Variants in TMEM132D observed in about 807,000 individuals in gnomAD.
TMEM132D encodes mature OL transmembrane protein.
Under a neutral mutation model 62.3 loss-of-function variants are expected in TMEM132D, and 21 were observed. The observed-to-expected ratio is 0.34, with a 90% CI of 0.24 to 0.49. The LOEUF (loss-of-function observed/expected upper bound fraction) is 0.49, where lower values mean the gene tolerates loss of function less well. Among genes scored for constraint, TMEM132D ranks in the 20% least tolerant of loss-of-function variants. TMEM132D has a pLI of 0.99. For missense variants in TMEM132D, 1,346 were observed against 1,402.8 expected, an observed-to-expected ratio of 0.96 and a Z score of 0.65; for synonymous variants, 621 against 575.6, an observed-to-expected ratio of 1.08 and a Z score of -1.13.
chr12:129,283,875 G>C (rs190970991), intron 4 of TMEM132D, among the ~76,000 whole-genome samples: 3 of 152,224 alleles, frequency 2.0e-5, no homozygotes, highest in African/African-American at 4.8e-5. Context: ...TGCACACTGT[G>C]GGGGAGGAGC....
At chr12:129,130,783 G>C (rs920341679) in intron 5 of TMEM132D, among the ~76,000 whole-genome samples, 1 of 152,190 alleles carries the variant, frequency 6.6e-6, no homozygotes, top group South Asian at 2.1e-4. Flanking sequence ...GGAGTACAAC[G>C]GTGCATATTA....
chr12:129,898,515 G>A (rs951609399), intron 1 of TMEM132D, among the ~76,000 whole-genome samples: 8 of 152,214 alleles, frequency 5.3e-5, no homozygotes, highest in Admixed American at 1.3e-4. Flanking sequence ...AAAAGGCGAC[G>A]TGACTAAGTC....
At chr12:129,514,879 T>C (rs983849425) in intron 3 of TMEM132D, among the ~76,000 whole-genome samples, 3 of 151,746 alleles carry the variant, frequency 2.0e-5, no homozygotes, top group Admixed American at 1.3e-4. Flanking sequence ...GAAAATAGAG[T>C]CCAGCGTAAG....
At chr12:129,181,191 G>A (rs1305473003) in intron 5 of TMEM132D, among the ~76,000 whole-genome samples, 3 of 152,090 alleles carry the variant, frequency 2.0e-5, no homozygotes, top group Admixed American at 1.3e-4. Flanking sequence ...TGGCTAAATG[G>A]CAGCTACTGT....
intron 1 of TMEM132D, among the ~76,000 whole-genome samples, chr12:129,766,651 G>A (rs1487999894): frequency 2.0e-5 from 3 of 152,096 alleles, no homozygotes; most frequent in African/African-American, 7.2e-5. Context: ...CCAGTGGCTG[G>A]GAATTGGGTC....
At chr12:129,214,909 T>C (rs1879160815) in intron 4 of TMEM132D, among the ~76,000 whole-genome samples, 1 of 152,208 alleles carries the variant, frequency 6.6e-6, no homozygotes, top group African/African-American at 2.4e-5. Context: ...TGGTGATTCC[T>C]TAAAGAGATA....
rs577741482 is a variant in TMEM132D, at chr12:129,371,238, G to C, written c.1116-33421C>G. The stretch of plus-strand genomic sequence containing the variant: ...TTTTTAAATTATTGTTGTTACTGTG[G>C]TGATGATGGTGGCAGTGATGATGAT... On this transcript the variant is annotated intron_variant, in intron 3 of 8. Coordinates refer to ENST00000422113, the MANE Select transcript of TMEM132D (RefSeq NM_133448.3). This position sits in a 1 kb window ranked among gnomAD's most constrained non-coding sequence, Gnocchi z 4.3. Among the ~76,000 whole-genome samples, 1 of 152,106 alleles carries C rather than the reference G, an allele frequency of 6.6e-6. No individual in the cohort carries two copies. The highest frequency in any genetic ancestry group is 2.1e-4 in the South Asian group (1 of 4,832).
chr12:129,766,210 G>A (rs1388877717), intron 1 of TMEM132D, among the ~76,000 whole-genome samples: 2 of 150,984 alleles, frequency 1.3e-5, no homozygotes, highest in African/African-American at 2.4e-5. Context: ...CATGAAGCAT[G>A]AGCCAAAATT....
At chr12:129,370,277 C>T (rs763710736) in intron 3 of TMEM132D, among the ~76,000 whole-genome samples, 2 of 152,238 alleles carry the variant, frequency 1.3e-5, no homozygotes, top group Non-Finnish European at 2.9e-5. Context: ...ATTTCATCCT[C>T]TGTTGCCCTG....
chr12:129,649,280 C>G (rs998058555), intron 2 of TMEM132D, among the ~76,000 whole-genome samples: 1 of 152,122 alleles, frequency 6.6e-6, no homozygotes, highest in Non-Finnish European at 1.5e-5. Flanking sequence ...ATTCCATATT[C>G]CTTCACTTTC....
Position 129,259,044 on chromosome 12 carries a change from T to A in TMEM132D, c.1300-49381A>T, listed in dbSNP as rs148187876. 1.6e-3 allele frequency among the ~76,000 whole-genome samples: 250 copies of A among 152,292 alleles called. 3 individuals carry two copies. The highest frequency in any genetic ancestry group is 5.7e-3 in the African/African-American group (238 of 41,570). On this transcript the variant is annotated intron_variant, in intron 4 of 8. Coordinates refer to ENST00000422113, the MANE Select transcript of TMEM132D (RefSeq NM_133448.3). ...TCTAGCCGTGGCTGAGCATTAGGGCTTCTGGAGCATTAACCATACAGCAGG... is the reference window on the plus strand; with the variant it reads ...TCTAGCCGTGGCTGAGCATTAGGGCATCTGGAGCATTAACCATACAGCAGG...
chr12:129,087,887 ACCGGGGTGTCCTCCCTG>A (rs1874678062), intron 5 of TMEM132D, among the ~76,000 whole-genome samples: 1 of 128,362 alleles, frequency 7.8e-6, no homozygotes, highest in Non-Finnish European at 1.6e-5. Flanking sequence ...GTCCTCCCTG[ACCGGGGTGTCCTCCCTG>A]ACCGGGGTGT....
In TMEM132D at chr12:129,643,052, G is replaced by A. The variant is rs269164; in HGVS notation, c.968+56758C>T. Among the ~76,000 whole-genome samples, 570 of 149,544 alleles carry A rather than the reference G, an allele frequency of 3.8e-3. 4 individuals carry two copies. The highest frequency in any genetic ancestry group is 0.013 in the African/African-American group (533 of 40,600). The stretch of plus-strand genomic sequence containing the variant: ...GGATTCTCCCGCCTCAGCCTCCCTA[G>A]TAGTTGGGATTACAGGCACACTCCA... On this transcript the variant is annotated intron_variant, in intron 2 of 8. Transcript: ENST00000422113.
At chr12:129,888,608 GCAGGAGAATCACTTGAACC>G (rs1874821891) in intron 1 of TMEM132D, among the ~76,000 whole-genome samples, 1 of 152,166 alleles carries the variant, frequency 6.6e-6, no homozygotes, top group Non-Finnish European at 1.5e-5. Context: ...GGAGGCTGAG[GCAGGAGAATCACTTGAACC>G]CAGGAGACAG....
intron 1 of TMEM132D, among the ~76,000 whole-genome samples, chr12:129,749,829 C>T (rs1246277884): frequency 6.6e-6 from 1 of 152,128 alleles, no homozygotes; most frequent in Non-Finnish European, 1.5e-5. Flanking sequence ...AGACCTGGCT[C>T]ACGGTACTTG....
chr12:129,873,147 C>T (rs1194204705), intron 1 of TMEM132D, among the ~76,000 whole-genome samples: 1 of 152,082 alleles, frequency 6.6e-6, no homozygotes, highest in Admixed American at 6.6e-5. Context: ...AGAGGGGACA[C>T]CGTTTTGATT....
At chr12:129,398,176 C>T (rs73151048) in intron 3 of TMEM132D, among the ~76,000 whole-genome samples, 152 of 152,308 alleles carry the variant, frequency 1.0e-3, no homozygotes, top group Non-Finnish European at 1.6e-3. Flanking sequence ...GAAAGCACAA[C>T]ATATGGTGGC....
chr12:129,127,186 CTTGA>C (rs1282205159), intron 5 of TMEM132D, among the ~76,000 whole-genome samples: 1 of 152,200 alleles, frequency 6.6e-6, no homozygotes, highest in Non-Finnish European at 1.5e-5. Context: ...CACACATTTT[CTTGA>C]TTGAGTTTTT....
chr12:129,388,745 C>T (rs372421998), intron 3 of TMEM132D, among the ~76,000 whole-genome samples: 2 of 123,794 alleles, frequency 1.6e-5, no homozygotes, highest in African/African-American at 5.8e-5. Flanking sequence ...TAAACACTAA[C>T]AGCAACACCA....
Sources: gnomAD v4.1 joint callset for allele counts (sites outside exome capture counted in the v4.1 genomes callset) on GRCh38, gnomAD v4.1.1 for gene constraint, Gnocchi (gnomAD v3.1) non-coding constraint, MANE v1.5 for transcripts, NCBI Gene and HGNC (gene_info 2026-07-23, HGNC 2026-07-21) for gene names.